PKD1L1: variants seen among roughly 807,000 people sequenced by gnomAD.
PKD1L1 encodes the protein polycystin 1 like 1, transient receptor potential channel interacting.
In PKD1L1, 236 loss-of-function variants were observed where a neutral mutation model predicts 323.4. The ratio of observed to expected loss-of-function variants is 0.73; its 90% CI spans 0.66 to 0.81. PKD1L1 has a LOEUF of 0.81. Among genes scored for constraint, PKD1L1 ranks in the 40% least tolerant of loss-of-function variants. The pLI is 0.00. For synonymous variants in PKD1L1, 1,344 were observed against 1,335.0 expected (o/e 1.01, Z -0.15); for missense variants, 3,320 against 3,508.0 (o/e 0.95, Z 1.35).
At chr7:47,804,594 C>T (rs530546977) in intron 52 of PKD1L1, among the ~76,000 whole-genome samples, 106 of 150,914 alleles carry the variant, frequency 7.0e-4, no homozygotes, top group South Asian at 1.0e-3. Context: ...CTCAGCCTAC[C>T]GAGTAGCTGG....
At chr7:47,869,297 A>C (rs1048355514) in intron 24 of PKD1L1, among the ~76,000 whole-genome samples, 2 of 152,204 alleles carry the variant, frequency 1.3e-5, no homozygotes, top group African/African-American at 4.8e-5. Flanking sequence ...AATAGATTAC[A>C]TGATTCAACC....
chr7:47,864,069 A>T (rs1015184130), intron 26 of PKD1L1, among the ~76,000 whole-genome samples: 1 of 152,102 alleles, frequency 6.6e-6, no homozygotes, highest in Non-Finnish European at 1.5e-5. Flanking sequence ...AGCAGCAGCA[A>T]AGAGTGGAAA....
intron 56 of PKD1L1, among the ~76,000 whole-genome samples, chr7:47,785,259 G>T (rs1033538730): frequency 6.6e-6 from 1 of 152,096 alleles, no homozygotes; most frequent in Non-Finnish European, 1.5e-5. Context: ...GGATACAAAA[G>T]TTGCTCAGGT....
At chr7:47,950,499 A>G (rs1788188541), upstream of PKD1L1, among the ~76,000 whole-genome samples, 1 of 152,170 alleles carries the variant, frequency 6.6e-6, no homozygotes, top group Admixed American at 6.5e-5. Flanking sequence ...TAAGTTACTT[A>G]CAATTAAATA....
chr7:47,810,507 C>A (rs900608399), intron 50 of PKD1L1, among the ~76,000 whole-genome samples: 6 of 152,192 alleles, frequency 3.9e-5, no homozygotes, highest in Admixed American at 3.9e-4. Flanking sequence ...CCCAGGCAGA[C>A]CCTGACCAGT....
chr7:47,845,003 C>T lies in PKD1L1; in HGVS notation c.5229G>A (p.Lys1743=), dbSNP rs765085303. The T allele has an allele frequency of 2.2e-5, 36 of 1,613,298 alleles. No homozygotes were observed. The highest frequency in any genetic ancestry group is 3.0e-5 in the Non-Finnish European group (35 of 1,179,488). ...TAGGAAATGGAACTTACCTCTGTAG[C>T]TTGGAAATGTCACTCACTTCAAAAC... ...KASFEVSDIS[K]LQSHPENLLP... is the part of the protein sequence containing the mutation. Residue 1743 remains lysine, a synonymous_variant, in exon 33 of 57, where the codon AAG becomes AAA. Transcript: ENST00000289672.
intron 19 of PKD1L1, among the ~76,000 whole-genome samples, chr7:47,883,030 T>C (rs1245865419): frequency 1.3e-5 from 2 of 152,096 alleles, no homozygotes; most frequent in Non-Finnish European, 2.9e-5. Context: ...AAAACACAAA[T>C]GTTGTAAGGA....
chr7:47,900,143 T>C (rs971177502), intron 13 of PKD1L1, among the ~76,000 whole-genome samples: 2 of 152,172 alleles, frequency 1.3e-5, no homozygotes, highest in Admixed American at 6.5e-5. Context: ...ATTCTAAGAT[T>C]TGTCACAAAA....
At chr7:47,791,823 G>A (rs1054574828) in intron 56 of PKD1L1, among the ~76,000 whole-genome samples, 2 of 152,106 alleles carry the variant, frequency 1.3e-5, no homozygotes, top group South Asian at 2.1e-4. Context: ...GACAGCTCTG[G>A]GCCAGCAGAG....
At position 47,846,930 on chromosome 7, in the gene PKD1L1, G is replaced by T; in HGVS notation, c.5102C>A (p.Ser1701Tyr). Residue 1701 changes from serine (S) to tyrosine (Y), a missense_variant, in exon 32 of 57, where the codon TCT (serine) becomes TAT (tyrosine). By Grantham distance (144) the Ser-to-Tyr change is moderately radical. Transcript: ENST00000289672. ...CLFWDKREWK[S>Y]ERFSPQPGTS... The stretch of plus-strand genomic sequence containing the variant: ...CCCTGGTTGTGGAGAGAAACGTTCA[G>T]ATTTCCACTCTCTCTTGTCCCAAAA... 6.2e-7 allele frequency: 1 copy of T among 1,613,878 alleles called. No homozygotes were observed. Among genetic ancestry groups the T allele is most frequent in the Non-Finnish European group, 8.5e-7 (1 of 1,179,904 alleles).
At chr7:47,895,994 C>T (rs760616977) in intron 14 of PKD1L1, among the ~76,000 whole-genome samples, 65 of 152,292 alleles carry the variant, frequency 4.3e-4, no homozygotes, top group Non-Finnish European at 2.8e-4. Context: ...TGATTTCACT[C>T]TTGCCTGGCC....
intron 45 of PKD1L1, 55 bp from the exon 46 acceptor site, chr7:47,821,241 G>A: frequency 9.7e-7 from 1 of 1,026,492 alleles, no homozygotes; most frequent in Non-Finnish European, 1.5e-6. Flanking sequence ...GTAGGTACCT[G>A]AGTGCTTCAA....
At chr7:47,798,736 C>T (rs1784596123) in intron 54 of PKD1L1, among the ~76,000 whole-genome samples, 1 of 134,876 alleles carries the variant, frequency 7.4e-6, no homozygotes, top group South Asian at 2.3e-4. Context: ...GCCTGGGCGA[C>T]AGAGTGAGAC....
chr7:47,863,867 C>A (rs144060658), intron 26 of PKD1L1, among the ~76,000 whole-genome samples: 7 of 152,204 alleles, frequency 4.6e-5, no homozygotes, highest in Non-Finnish European at 1.0e-4. Context: ...TAAAAAAACA[C>A]ACACACAAAC....
At chr7:47,837,121 C>G (rs971778912) in intron 36 of PKD1L1, 27 bp from the exon 37 acceptor site, 13 of 1,610,938 alleles carry the variant, frequency 8.1e-6, no homozygotes, top group Non-Finnish European at 1.1e-5. Flanking sequence ...GAGAAGTGTT[C>G]CCTGACATGG....
At chr7:47,955,696 GATT>G in the PKD1L1 span, among the ~76,000 whole-genome samples, 1 of 152,048 alleles carries the variant, frequency 6.6e-6, no homozygotes, top group South Asian at 2.1e-4. Flanking sequence ...TATAATCTTT[GATT>G]ATAACCTTTG....
At chr7:47,888,538 C>T (rs1056562420) in intron 16 of PKD1L1, among the ~76,000 whole-genome samples, 4 of 152,260 alleles carry the variant, frequency 2.6e-5, no homozygotes, top group Admixed American at 2.0e-4. Flanking sequence ...TCCCTCTTCG[C>T]TGCCTTGCCT....
At chr7:47,887,899 T>C in intron 17 of PKD1L1, 91 bp downstream of exon 17, 1 of 1,302,002 alleles carries the variant, frequency 7.7e-7, no homozygotes, top group Non-Finnish European at 1.1e-6. Flanking sequence ...CACTGGGTCA[T>C]ACCAAATGTA....
chr7:47,814,995 C>T (rs767437810), intron 47 of PKD1L1, among the ~76,000 whole-genome samples: 5 of 152,168 alleles, frequency 3.3e-5, no homozygotes, highest in African/African-American at 4.8e-5. Context: ...GTATTTTGCA[C>T]ACGGAACTAG....
Sources: allele counts gnomAD v4.1 joint callset (sites outside exome capture counted in the v4.1 genomes callset), GRCh38; gene constraint gnomAD v4.1.1; transcripts MANE v1.5; gene names NCBI Gene and HGNC (gene_info 2026-07-23, HGNC 2026-07-21).